The following NAXD variants were observed in gnomAD, a reference collection of about 807,000 sequenced individuals.
NAXD encodes the protein ATP-dependent (S)-NAD(P)H-hydrate dehydratase.
Under a neutral mutation model 35.8 loss-of-function variants are expected in NAXD, and 22 were observed. The ratio of observed to expected loss-of-function variants is 0.62; its 90% CI spans 0.44 to 0.88. The LOEUF is 0.88. Ranked by LOEUF, NAXD falls within the 40% of genes least tolerant of loss-of-function variation. The pLI is 0.00. For synonymous variants in NAXD, 189 were observed against 177.6 expected (o/e 1.06, Z -0.51); for missense variants, 428 against 437.7 (o/e 0.98, Z 0.20).
chr13:110,626,502 T>C (rs1366286796), intron 4 of NAXD, among the ~76,000 whole-genome samples: 1 of 133,562 alleles, frequency 7.5e-6, no homozygotes, highest in Non-Finnish European at 1.5e-5. Flanking sequence ...TTGGGAGTCA[T>C]GCACATGTGG....
At chr13:110,625,952 G>A (rs943960484) in intron 4 of NAXD, among the ~76,000 whole-genome samples, 7 of 152,214 alleles carry the variant, frequency 4.6e-5, no homozygotes, top group Admixed American at 3.3e-4. Flanking sequence ...TGTGAGAGTG[G>A]GCAGAGGGGC....
At chr13:110,625,099 G>A in intron 3 of NAXD, 91 bp from the exon 4 acceptor site, 1 of 928,084 alleles carries the variant, frequency 1.1e-6, no homozygotes, top group South Asian at 1.4e-5. Flanking sequence ...CGTCACCAGG[G>A]CTGAGTAATG....
Position 110,638,199 on chromosome 13 carries a change from G to A in NAXD, c.840-179G>A. On this transcript the variant is annotated intron_variant, in intron 9 of 9. Coordinates refer to ENST00000680254, the MANE Select transcript of NAXD (RefSeq NM_001242882.2). The surrounding 1 kb of genome is among the most constrained non-coding windows in gnomAD (Gnocchi z 5.4). ...GCCTCCTGCCAGGGAGTAGTGGAGGGTTAATGGTGGTTTTCGCTGTGATAA... is the reference window on the plus strand; with the variant it reads ...GCCTCCTGCCAGGGAGTAGTGGAGGATTAATGGTGGTTTTCGCTGTGATAA... The A allele has an allele frequency of 6.6e-7, 1 of 1,524,598 alleles. No individual in the cohort carries two copies. Among genetic ancestry groups the A allele is most frequent in the African/African-American group, 1.4e-5 (1 of 72,032 alleles). 94.4% of individuals were successfully genotyped at this position (1,524,598 alleles called of 1,614,324 possible).
chr13:110,615,701 T>G (rs1424027200), intron 1 of NAXD, 54 bp downstream of exon 1: 21 of 1,520,224 alleles, frequency 1.4e-5, no homozygotes, highest in South Asian at 2.4e-5. Flanking sequence ...GGGCCGGAAC[T>G]GCCGTCGCCG....
rs995976905 is a variant in NAXD, at chr13:110,615,577, A to C, written c.-25A>C. 2 of 1,344,920 alleles carry C rather than the reference A, an allele frequency of 1.5e-6. No individual in the cohort carries two copies. The highest frequency in any genetic ancestry group is 9.5e-7 in the Non-Finnish European group (1 of 1,047,334). 83.3% of individuals were successfully genotyped at this position (1,344,920 alleles called of 1,614,324 possible). On this transcript the variant is annotated 5_prime_UTR_variant, in exon 1 of 10. Transcript: ENST00000680254. The stretch of plus-strand genomic sequence containing the variant: ...GTGTTTCCGGCGACGGCGCGGGGGC[A>C]GCTGGGAATCCGGAATGCTGCCCGA...
At chr13:110,615,523 CG>C, upstream of NAXD, 1 of 1,294,974 alleles carries the variant, frequency 7.7e-7, no homozygotes, top group Non-Finnish European at 9.9e-7. Context: ...CGGAGGCGGT[CG>C]GGAAACCGGA....
At chr13:110,637,977 AC>A (rs201474354) in intron 9 of NAXD, among the ~76,000 whole-genome samples, 5 of 151,916 alleles carry the variant, frequency 3.3e-5, no homozygotes, top group Non-Finnish European at 7.4e-5. Context: ...AGTTGCCTCC[AC>A]CCCTCCCCCA....
chr13:110,616,933 G>A (rs1490588958), intron 1 of NAXD, among the ~76,000 whole-genome samples: 1 of 152,164 alleles, frequency 6.6e-6, no homozygotes, highest in African/African-American at 2.4e-5. Context: ...GAATGCACTG[G>A]GTGGCGCTGA....
At position 110,638,613 on chromosome 13, in the gene NAXD, G is replaced by A. The variant is rs1314465672; in HGVS notation, c.*85G>A. ...GAAAATCCGGACCCACGCGTGTGCT[G>A]AAGGCGTACGGTGCTTGCCAGATTT... On this transcript the variant is annotated 3_prime_UTR_variant, in exon 10 of 10. Coordinates refer to ENST00000680254, the MANE Select transcript of NAXD (RefSeq NM_001242882.2). This position sits in a 1 kb window ranked among gnomAD's most constrained non-coding sequence, Gnocchi z 5.4. 5 of 1,468,202 alleles carry A rather than the reference G, an allele frequency of 3.4e-6. No individual in the cohort carries two copies. In the South Asian group the frequency reaches 5.7e-5, roughly 17 times the overall value. The allele number at this position is 1,468,202 out of a possible 1,614,324, so 90.9% of individuals were successfully genotyped here. A position where few individuals can be genotyped will look rare whatever the true frequency, so the allele number is the denominator to read the frequency against.
In NAXD at chr13:110,638,420, C is replaced by T. The variant is rs1346443220; in HGVS notation, c.882C>T (p.Leu294=). Residue 294 remains leucine, a synonymous_variant, in exon 10 of 10, where the codon CTC becomes CTT. Transcript: ENST00000680254. This position sits in a 1 kb window ranked among gnomAD's most constrained non-coding sequence, Gnocchi z 5.4. Reference sequence around the variant, plus strand: ...TGGCCGCGTTTGGCGCCTGCTCTCTCACCAGGCAGTGCAACCACCAAGCCT... The same window carrying T: ...TGGCCGCGTTTGGCGCCTGCTCTCTTACCAGGCAGTGCAACCACCAAGCCT... ...LLVAAFGACS[L]TRQCNHQAFQ... is the part of the protein sequence containing the mutation. The T allele has an allele frequency of 2.5e-6, 4 of 1,613,536 alleles. No homozygotes were observed. In the African/African-American group the frequency reaches 4.0e-5, roughly 16 times the overall value.
At chr13:110,615,910 G>A (rs1207591734) in intron 1 of NAXD, 2 of 679,218 alleles carry the variant, frequency 2.9e-6, no homozygotes, top group Middle Eastern at 4.8e-4. Context: ...GGAACGGCGC[G>A]GCGACGGCTG....
intron 3 of NAXD, among the ~76,000 whole-genome samples, chr13:110,624,481 A>G (rs330562): frequency 0.42 from 64,265 of 152,002 alleles, 14,986 homozygotes; most frequent in African/African-American, 0.61. Flanking sequence ...TTTTTGAGAC[A>G]GAGTTTCGCT....
Position 110,639,218 on chromosome 13 carries a change from TCC to T in NAXD, c.*691_*692del. The T allele has an allele frequency of 3.1e-5, 5 of 161,338 alleles. No homozygotes were observed. The highest frequency in any genetic ancestry group is 1.8e-4 in the East Asian group (1 of 5,636). 10.0% of individuals were successfully genotyped at this position (161,338 alleles called of 1,614,324 possible). On this transcript the variant is annotated 3_prime_UTR_variant, in exon 10 of 10. Coordinates refer to ENST00000680254, the MANE Select transcript of NAXD (RefSeq NM_001242882.2). ...TGTGGGTGGGGAGCTCTGAGACGCC[TCC>T]TGTCCCACGCTCTCCGGTGTCCGTG...
intron 5 of NAXD, among the ~76,000 whole-genome samples, chr13:110,630,630 A>G (rs1050563415): frequency 2.0e-5 from 3 of 152,104 alleles, no homozygotes; most frequent in Admixed American, 2.0e-4. Context: ...TTACTCCTAC[A>G]TGTTAAGAGC....
intron 1 of NAXD, among the ~76,000 whole-genome samples, chr13:110,619,240 C>A (rs1034510084): frequency 6.6e-6 from 1 of 152,120 alleles, no homozygotes; most frequent in African/African-American, 2.4e-5. Context: ...TCATACCTCA[C>A]CTATAGTACT....
At chr13:110,620,452 C>T (rs1022975722) in intron 1 of NAXD, among the ~76,000 whole-genome samples, 3 of 151,856 alleles carry the variant, frequency 2.0e-5, no homozygotes, top group South Asian at 2.1e-4. Flanking sequence ...TGGTGGCATG[C>T]GCCTGTAGTC....
At chr13:110,615,723 G>A in intron 1 of NAXD, 76 bp downstream of exon 1, 5 of 1,513,236 alleles carry the variant, frequency 3.3e-6, no homozygotes, top group Non-Finnish European at 4.4e-6. Flanking sequence ...CGCGGTCGTT[G>A]TCGCATTGCT....
Position 110,638,938 on chromosome 13 carries a change from T to G in NAXD, c.*410T>G. On this transcript the variant is annotated 3_prime_UTR_variant, in exon 10 of 10. Coordinates refer to ENST00000680254, the MANE Select transcript of NAXD (RefSeq NM_001242882.2). This position sits in a 1 kb window ranked among gnomAD's most constrained non-coding sequence, Gnocchi z 5.4. ...CTCCTCTGCTTCCCTTCCCTAGTCT[T>G]TCCTCCGGCAGGGAGCTGGGCAGGG... The G allele has an allele frequency of 2.8e-6, 1 of 358,774 alleles. No individual in the cohort carries two copies. 22.2% of individuals were successfully genotyped at this position (358,774 alleles called of 1,614,324 possible).
In NAXD at chr13:110,623,871, G is replaced by GC. The variant is rs200165926; in HGVS notation, c.198-362dup. On this transcript the variant is annotated intron_variant, in intron 2 of 9. Transcript: ENST00000680254. ...TACAAAATTAGCCGGGTGTGGTGGC[G>GC]CATGCCTGTAATCCCAGCTACTCAG... 6.1e-3 allele frequency among the ~76,000 whole-genome samples: 922 copies of GC among 152,118 alleles called. 12 individuals carry two copies. Among genetic ancestry groups the GC allele is most frequent in the African/African-American group, 0.021 (887 of 41,502 alleles).
Sources: allele counts gnomAD v4.1 joint callset (sites outside exome capture counted in the v4.1 genomes callset), GRCh38; gene constraint gnomAD v4.1.1; non-coding constraint Gnocchi (gnomAD v3.1); transcripts MANE v1.5; gene names NCBI Gene and HGNC (gene_info 2026-07-23, HGNC 2026-07-21).